Variants in CFAP57 observed in about 807,000 individuals in gnomAD.
CFAP57 encodes the protein cilia and flagella associated protein 57, also known as cilia- and flagella-associated protein 57.
Under a neutral mutation model 146.8 loss-of-function variants are expected in CFAP57, and 116 were observed. That is an observed-to-expected ratio of 0.79 (90% CI 0.68 to 0.92). The LOEUF is 0.92. CFAP57 is among the 40% of genes least tolerant of loss of function. CFAP57 has a pLI of 0.00. For missense variants in CFAP57, 1,377 were observed against 1,527.2 expected, an observed-to-expected ratio of 0.90 and a Z score of 1.64; for synonymous variants, 518 against 552.8, an observed-to-expected ratio of 0.94 and a Z score of 0.88.
chr1:43,177,264 A>G (rs567013186), intron 2 of CFAP57: 35 of 454,474 alleles, frequency 7.7e-5, no homozygotes, highest in African/African-American at 6.2e-4. Flanking sequence ...GGGTGGTGTG[A>G]AGAGATCAAT....
intron 18 of CFAP57, among the ~76,000 whole-genome samples, chr1:43,229,082 A>G (rs1407698624): frequency 6.7e-6 from 1 of 148,996 alleles, no homozygotes; most frequent in Non-Finnish European, 1.5e-5. Context: ...TCATCAGACC[A>G]TAGCAGCCTG....
At chr1:43,227,701 T>A (rs573799943) in intron 18 of CFAP57, among the ~76,000 whole-genome samples, 1 of 152,004 alleles carries the variant, frequency 6.6e-6, no homozygotes, top group African/African-American at 2.4e-5. Context: ...TCCTGTGAGG[T>A]CCCCCATGCC....
At position 43,198,638 on chromosome 1, in the gene CFAP57, T is replaced by C; in HGVS notation, c.1420T>C (p.Cys474Arg). The part of the protein sequence containing the change: ...RSFKEYSVRG[C>R]GECSFSNGGH... ...TTTCAAAGAATACTCTGTTAGAGGATGCGGAGAGGTAAAAAAAAAACTGCT... is the reference window on the plus strand; with the variant it reads ...TTTCAAAGAATACTCTGTTAGAGGACGCGGAGAGGTAAAAAAAAAACTGCT... The change falls in exon 8 of 23, where the codon TGC becomes CGC. Residue 474 changes from cysteine to arginine, a missense_variant. Cys to Arg is a radical substitution (Grantham distance 180, BLOSUM62 -3). Coordinates refer to ENST00000372492, the MANE Select transcript of CFAP57 (RefSeq NM_001378189.1). The C allele has an allele frequency of 6.2e-7, 1 of 1,604,486 alleles. No individual in the cohort carries two copies. Among genetic ancestry groups the C allele is most frequent in the African/African-American group, 1.4e-5 (1 of 72,280 alleles).
rs1327052866 is a variant in CFAP57, at chr1:43,199,304, C to G, written c.1429-86C>G. 2.3e-6 allele frequency: 3 copies of G among 1,285,620 alleles called. No homozygotes were observed. In the African/African-American group the frequency reaches 4.4e-5, roughly 19 times the overall value. The allele number at this position is 1,285,620 out of a possible 1,614,324, so 79.6% of individuals were successfully genotyped here. On this transcript the variant is annotated intron_variant, in intron 8 of 22. Transcript: ENST00000372492. Reference sequence around the variant, plus strand: ...CTCACACGTAGTTTCAGTCTGAACTCGTTGGGAAAAGCACCTCTTGACTGT... The same window carrying G: ...CTCACACGTAGTTTCAGTCTGAACTGGTTGGGAAAAGCACCTCTTGACTGT...
chr1:43,233,866 C>T (rs1645575663), intron 19 of CFAP57, among the ~76,000 whole-genome samples: 1 of 152,106 alleles, frequency 6.6e-6, no homozygotes, highest in South Asian at 2.1e-4. Context: ...ACACGGGGGA[C>T]GTGGAAGCCC....
chr1:43,188,977 A>G (rs1479530224), intron 6 of CFAP57, among the ~76,000 whole-genome samples: 2 of 152,192 alleles, frequency 1.3e-5, no homozygotes, highest in African/African-American at 4.8e-5. Flanking sequence ...GCATGTAGAT[A>G]TCCAGTCGTC....
chr1:43,200,487 G>GA (rs527330489), intron 9 of CFAP57, among the ~76,000 whole-genome samples: 11,817 of 128,196 alleles, frequency 0.092, 1,325 homozygotes, highest in African/African-American at 0.29. Flanking sequence ...GACCCTGTCT[G>GA]AAAAAAAAAA....
At chr1:43,224,688 C>T (rs1047942485) in intron 17 of CFAP57, among the ~76,000 whole-genome samples, 1 of 152,210 alleles carries the variant, frequency 6.6e-6, no homozygotes, top group Non-Finnish European at 1.5e-5. Flanking sequence ...TCTTACAAAA[C>T]ACTCAGACGT....
At chr1:43,175,241 C>G (rs995338325) in intron 2 of CFAP57, among the ~76,000 whole-genome samples, 2 of 151,844 alleles carry the variant, frequency 1.3e-5, no homozygotes, top group African/African-American at 4.8e-5. Context: ...TATCTATACA[C>G]ATACACCATA....
chr1:43,215,162 A>T, intron 11 of CFAP57, 93 bp from the exon 12 acceptor site: 1 of 1,442,310 alleles, frequency 6.9e-7, no homozygotes, highest in South Asian at 1.2e-5. Context: ...TGTGCCCAGG[A>T]TTGCATGGGG....
intron 12 of CFAP57, among the ~76,000 whole-genome samples, chr1:43,217,424 C>A (rs188018289): frequency 7.9e-4 from 120 of 152,240 alleles, no homozygotes; most frequent in East Asian, 9.6e-4. Context: ...CTAGCCAGGG[C>A]AGACCCCTGG....
At chr1:43,183,273 A>G (rs1645493442) in intron 3 of CFAP57, among the ~76,000 whole-genome samples, 1 of 151,970 alleles carries the variant, frequency 6.6e-6, no homozygotes, top group Non-Finnish European at 1.5e-5. Context: ...AACCTATCAG[A>G]CCCTCTTTTT....
rs552186802 is a variant in CFAP57 at position 43,181,437 on chromosome 1, A to G, written c.158-97A>G. 21 of 1,418,538 alleles carry G rather than the reference A, an allele frequency of 1.5e-5. No individual in the cohort carries two copies. In the East Asian group the frequency reaches 4.0e-4, roughly 27 times the overall value. 87.9% of individuals were successfully genotyped at this position (1,418,538 alleles called of 1,614,324 possible). On this transcript the variant is annotated intron_variant, in intron 2 of 22. Coordinates refer to ENST00000372492, the MANE Select transcript of CFAP57 (RefSeq NM_001378189.1). ...GCCGCCTTTCTTCTTTGTGTCCACC[A>G]CTGTCCACTCCAGTGCCCACCACAG... is the stretch of plus-strand genomic sequence containing the variant.
Position 43,215,371 on chromosome 1 carries a change from C to A in CFAP57, c.2046C>A (p.Gly682=), listed in dbSNP as rs1346812052. ...GAATCAAGCGAGAGAGGGAGGTGGG[C>A]TTTGCCGAAGAGGTGCTTGTGACTA... ...GRGIKREREV[G]FAEEVLVTKT... The change falls in exon 12 of 23, where the codon GGC becomes GGA. Residue 682 remains glycine, a synonymous_variant. Transcript: ENST00000372492. 6.4e-7 allele frequency: 1 copy of A among 1,551,012 alleles called. No individual in the cohort carries two copies. Among genetic ancestry groups the A allele is most frequent in the Non-Finnish European group, 8.7e-7 (1 of 1,147,086 alleles).
intron 13 of CFAP57, among the ~76,000 whole-genome samples, chr1:43,220,714 G>A (rs1274698743): frequency 1.3e-5 from 2 of 151,816 alleles, no homozygotes; most frequent in Non-Finnish European, 2.9e-5. Context: ...ACAGAGCGAG[G>A]CCCTGTCCCT....
At chr1:43,194,176 G>A (rs1643721118) in intron 6 of CFAP57, among the ~76,000 whole-genome samples, 1 of 143,854 alleles carries the variant, frequency 7.0e-6, no homozygotes. Context: ...CAGTTTTTTT[G>A]GTAATTTTTT....
intron 2 of CFAP57, among the ~76,000 whole-genome samples, chr1:43,179,119 A>G: frequency 6.6e-6 from 1 of 151,846 alleles, no homozygotes; most frequent in South Asian, 2.1e-4. Flanking sequence ...GGAACATCAC[A>G]CACCGGGGCC....
chr1:43,205,144 A>T (rs1422585088), intron 9 of CFAP57, among the ~76,000 whole-genome samples: 1 of 152,160 alleles, frequency 6.6e-6, no homozygotes, highest in Non-Finnish European at 1.5e-5. Context: ...GTTATCCCTG[A>T]AGGACTCTTC....
At chr1:43,216,930 A>G (rs1030427706) in intron 12 of CFAP57, among the ~76,000 whole-genome samples, 2 of 152,244 alleles carry the variant, frequency 1.3e-5, no homozygotes, top group African/African-American at 2.4e-5. Context: ...GGAAGAGGGC[A>G]GAGTATCACA....
Sources: gnomAD v4.1 joint callset for allele counts (sites outside exome capture counted in the v4.1 genomes callset) on GRCh38, gnomAD v4.1.1 for gene constraint, MANE v1.5 for transcripts, NCBI Gene and HGNC (gene_info 2026-07-23, HGNC 2026-07-21) for gene names.